Variants in HS6ST3 observed in about 807,000 individuals in gnomAD.
HS6ST3 encodes heparan sulfate 6-O-sulfotransferase 3, also known as heparan-sulfate 6-O-sulfotransferase 3.
In HS6ST3, 12 loss-of-function variants were observed where a neutral mutation model predicts 36.7. That is an observed-to-expected ratio of 0.33 (90% CI 0.21 to 0.53). HS6ST3 has a LOEUF of 0.53. Ranked by LOEUF, HS6ST3 falls within the 20% of genes least tolerant of loss-of-function variation. The probability of loss-of-function intolerance (pLI) is 0.95; values close to 1 mark genes in which losing one functional copy is unlikely to be tolerated. For synonymous variants in HS6ST3, 240 were observed against 257.5 expected, an observed-to-expected ratio of 0.93 and a Z score of 0.65; for missense variants, 584 against 640.9, an observed-to-expected ratio of 0.91 and a Z score of 0.96.
rs140711117 is a variant in HS6ST3 at position 96,422,456 on chromosome 13, A to G, written c.707+330887A>G. On this transcript the variant is annotated intron_variant, in intron 1 of 1. Transcript: ENST00000376705. Reference sequence around the variant, plus strand: ...GGACTTGGTAGAAGATCCTTGACACAAGGCATGGCACATATGTATCACAAC... The same window carrying G: ...GGACTTGGTAGAAGATCCTTGACACGAGGCATGGCACATATGTATCACAAC... Among the ~76,000 whole-genome samples, 459 of 152,352 alleles carry G rather than the reference A, an allele frequency of 3.0e-3. 3 individuals are homozygous for G. The highest frequency in any genetic ancestry group is 0.011 in the African/African-American group (439 of 41,566).
At chr13:96,194,582 C>T (rs1426278198) in intron 1 of HS6ST3, among the ~76,000 whole-genome samples, 1 of 152,144 alleles carries the variant, frequency 6.6e-6, no homozygotes, top group Non-Finnish European at 1.5e-5. Flanking sequence ...ATTAACACAT[C>T]TGCCACCTCA....
intron 1 of HS6ST3, among the ~76,000 whole-genome samples, chr13:96,657,166 C>A (rs1421865261): frequency 6.6e-6 from 1 of 151,914 alleles, no homozygotes; most frequent in Non-Finnish European, 1.5e-5. Flanking sequence ...GTATTCTTTC[C>A]TAATTTTTGT....
At chr13:96,518,752 G>A (rs926435396) in intron 1 of HS6ST3, among the ~76,000 whole-genome samples, 2 of 152,124 alleles carry the variant, frequency 1.3e-5, no homozygotes, top group Non-Finnish European at 2.9e-5. Context: ...CACTTATATT[G>A]TGTTCCTGTG....
At chr13:96,416,952 A>G (rs1463933133) in intron 1 of HS6ST3, among the ~76,000 whole-genome samples, 5 of 151,924 alleles carry the variant, frequency 3.3e-5, no homozygotes, top group African/African-American at 7.3e-5. Flanking sequence ...GGGTTTCACC[A>G]TGTTAGCCAG....
At chr13:96,615,974 T>C (rs1234331672) in intron 1 of HS6ST3, among the ~76,000 whole-genome samples, 2 of 152,338 alleles carry the variant, frequency 1.3e-5, no homozygotes, top group African/African-American at 2.4e-5. Context: ...AGAGAAAGGA[T>C]CAAAATAATT....
chr13:96,432,940 A>G (rs140942253), intron 1 of HS6ST3, among the ~76,000 whole-genome samples: 13 of 152,306 alleles, frequency 8.5e-5, no homozygotes, highest in African/African-American at 3.1e-4. Context: ...TAAAATATTG[A>G]AAGTCATAAG....
chr13:96,533,368 A>G (rs2056143204), intron 1 of HS6ST3, among the ~76,000 whole-genome samples: 1 of 152,216 alleles, frequency 6.6e-6, no homozygotes, highest in Non-Finnish European at 1.5e-5. Flanking sequence ...TGTTATTGAC[A>G]AATAATAATT....
chr13:96,231,016 G>A (rs2054505622), intron 1 of HS6ST3, among the ~76,000 whole-genome samples: 2 of 152,120 alleles, frequency 1.3e-5, no homozygotes, highest in South Asian at 4.1e-4. Flanking sequence ...CTATATGGGA[G>A]GTGGTAAGAC....
chr13:96,610,693 A>C (rs1162050290), intron 1 of HS6ST3, among the ~76,000 whole-genome samples: 1 of 152,148 alleles, frequency 6.6e-6, no homozygotes, highest in Non-Finnish European at 1.5e-5. Context: ...GTTAATTAGA[A>C]TACCTTCTCT....
intron 1 of HS6ST3, among the ~76,000 whole-genome samples, chr13:96,652,546 T>G (rs567891329): frequency 6.6e-6 from 1 of 152,242 alleles, no homozygotes; most frequent in East Asian, 1.9e-4. Flanking sequence ...AAGGTGTTGG[T>G]ATTTAAAATA....
intron 1 of HS6ST3, among the ~76,000 whole-genome samples, chr13:96,612,699 A>C (rs1218771866): frequency 6.6e-6 from 1 of 152,070 alleles, no homozygotes; most frequent in Non-Finnish European, 1.5e-5. Context: ...TCTCTCACAT[A>C]GCAGCTGCAG....
intron 1 of HS6ST3, among the ~76,000 whole-genome samples, chr13:96,631,009 C>T (rs558780076): frequency 3.3e-5 from 5 of 152,166 alleles, no homozygotes; most frequent in Admixed American, 2.0e-4. Flanking sequence ...CAATGGGTTT[C>T]AGTACTCAGA....
chr13:96,297,369 C>G (rs1451373619), intron 1 of HS6ST3, among the ~76,000 whole-genome samples: 1 of 152,046 alleles, frequency 6.6e-6, no homozygotes, highest in Non-Finnish European at 1.5e-5. Flanking sequence ...TTTTCTTTCT[C>G]TGCCACTCTT....
chr13:96,483,475 A>C (rs1165106600), intron 1 of HS6ST3, among the ~76,000 whole-genome samples: 1 of 152,236 alleles, frequency 6.6e-6, no homozygotes, highest in Non-Finnish European at 1.5e-5. Flanking sequence ...CAATCCCTGC[A>C]AGGTCATATG....
chr13:96,672,578 A>G (rs1039309240), intron 1 of HS6ST3, among the ~76,000 whole-genome samples: 7 of 151,944 alleles, frequency 4.6e-5, no homozygotes, highest in Admixed American at 3.3e-4. Context: ...TTGCTCTCCT[A>G]TGTTGGATCC....
chr13:96,257,130 C>T (rs989006835), intron 1 of HS6ST3, among the ~76,000 whole-genome samples: 8 of 152,098 alleles, frequency 5.3e-5, no homozygotes, highest in East Asian at 3.9e-4. Flanking sequence ...GCAGGAGTTT[C>T]GCCCCTTCAC....
chr13:96,437,338 T>A (rs1050365789), intron 1 of HS6ST3, among the ~76,000 whole-genome samples: 11 of 152,254 alleles, frequency 7.2e-5, no homozygotes, highest in Non-Finnish European at 1.5e-4. Context: ...TGATACTAAT[T>A]GCTGAGTATC....
At chr13:96,276,251 C>T (rs2054748077) in intron 1 of HS6ST3, among the ~76,000 whole-genome samples, 1 of 152,132 alleles carries the variant, frequency 6.6e-6, no homozygotes, top group Admixed American at 6.6e-5. Context: ...CTGCCTTGTT[C>T]CTCCCTCCAG....
chr13:96,725,186 C>T (rs1387694369), intron 1 of HS6ST3, among the ~76,000 whole-genome samples: 1 of 152,108 alleles, frequency 6.6e-6, no homozygotes, highest in African/African-American at 2.4e-5. Flanking sequence ...AGTAGTGTAT[C>T]TCTTCAAATG....
Sources: gnomAD v4.1 joint callset for allele counts (sites outside exome capture counted in the v4.1 genomes callset) on GRCh38, gnomAD v4.1.1 for gene constraint, MANE v1.5 for transcripts, NCBI Gene and HGNC (gene_info 2026-07-23, HGNC 2026-07-21) for gene names.